Variants in CDH13 observed in about 807,000 individuals in gnomAD.
The protein encoded by CDH13 is cadherin-13.
In CDH13, 24 loss-of-function variants were observed where a neutral mutation model predicts 63.8. The observed-to-expected ratio is 0.38, with a 90% confidence interval of 0.27 to 0.53. The LOEUF (loss-of-function observed/expected upper bound fraction) is 0.53. Ranked by LOEUF, CDH13 falls within the 20% of genes least tolerant of loss-of-function variation. The probability of loss-of-function intolerance (pLI) is 0.85; values close to 1 mark genes in which losing one functional copy is unlikely to be tolerated. For missense variants in CDH13, 1,049 were observed against 903.1 expected, an observed-to-expected ratio of 1.16 and a Z score of -2.07; for synonymous variants, 503 against 355.3, an observed-to-expected ratio of 1.42 and a Z score of -4.67.
At chr16:82,662,839 G>T (rs967746489) in intron 1 of CDH13, among the ~76,000 whole-genome samples, 4 of 152,144 alleles carry the variant, frequency 2.6e-5, no homozygotes, top group Non-Finnish European at 5.9e-5. Context: ...ATGTCCTCCA[G>T]GCCAGTGTGA....
chr16:83,199,911 A>T (rs1187488710), intron 4 of CDH13, among the ~76,000 whole-genome samples: 1 of 152,070 alleles, frequency 6.6e-6, no homozygotes, highest in African/African-American at 2.4e-5. Context: ...CCCAGAAATC[A>T]TTTTCTAAAC....
chr16:82,847,363 G>T (rs1358918852), intron 1 of CDH13, among the ~76,000 whole-genome samples: 1 of 152,126 alleles, frequency 6.6e-6, no homozygotes, highest in Non-Finnish European at 1.5e-5. Context: ...GAGTCTCATG[G>T]GGAGAATTCC....
At chr16:83,503,154 A>G (rs985610585) in intron 7 of CDH13, among the ~76,000 whole-genome samples, 5 of 152,228 alleles carry the variant, frequency 3.3e-5, no homozygotes, top group South Asian at 2.1e-4. Flanking sequence ...CAAGGGGTAT[A>G]AAGTGAGGCC....
At chr16:83,563,155 C>T (rs4319757) in intron 7 of CDH13, among the ~76,000 whole-genome samples, 152,223 of 152,374 alleles carry the variant, frequency 1, 76,036 homozygotes, top group Non-Finnish European at 1. Context: ...AGCCCATGGA[C>T]TTGCAAAGAG....
intron 3 of CDH13, among the ~76,000 whole-genome samples, chr16:83,036,607 A>G (rs966165860): frequency 2.6e-5 from 4 of 151,860 alleles, no homozygotes; most frequent in Non-Finnish European, 5.9e-5. Context: ...TGCCCTTCCC[A>G]CTTTCCCTCT....
chr16:83,519,644 A>C (rs1283568430), intron 7 of CDH13, among the ~76,000 whole-genome samples: 1 of 152,196 alleles, frequency 6.6e-6, no homozygotes, highest in African/African-American at 2.4e-5. Flanking sequence ...AAAATGTCCA[A>C]AATTAGCTGT....
intron 6 of CDH13, among the ~76,000 whole-genome samples, chr16:83,485,652 A>C (rs1345561999): frequency 6.6e-6 from 1 of 152,094 alleles, no homozygotes; most frequent in Non-Finnish European, 1.5e-5. Flanking sequence ...ACCTTTGTGC[A>C]AACCCCAGAC....
chr16:83,206,621 G>C lies in CDH13; in HGVS notation c.484-10724G>C, dbSNP rs574748320. Among the ~76,000 whole-genome samples, 7 of 152,346 alleles carry C rather than the reference G, an allele frequency of 4.6e-5. No individual in the cohort carries two copies. The South Asian group carries it at 1.2e-3, about 27-fold the overall frequency. ...CCAGAAACTGGGTTTGGCTCTGTGGGATACCAGCGAATACAATCAGACGTG... is the reference window on the plus strand; with the variant it reads ...CCAGAAACTGGGTTTGGCTCTGTGGCATACCAGCGAATACAATCAGACGTG... On this transcript the variant is annotated intron_variant, in intron 4 of 13. Coordinates refer to ENST00000567109, the MANE Select transcript of CDH13 (RefSeq NM_001257.5).
intron 11 of CDH13, among the ~76,000 whole-genome samples, chr16:83,771,319 C>G (rs1467726654): frequency 1.3e-5 from 2 of 152,206 alleles, no homozygotes; most frequent in Non-Finnish European, 2.9e-5. Context: ...TTGGCCATCT[C>G]ATAGGCAGTT....
intron 1 of CDH13, among the ~76,000 whole-genome samples, chr16:82,829,834 C>T (rs1044533752): frequency 6.6e-6 from 1 of 152,164 alleles, no homozygotes; most frequent in Non-Finnish European, 1.5e-5. Flanking sequence ...TAATCTGATT[C>T]TTAAAGATTT....
At chr16:82,884,570 G>C (rs1459926168) in intron 2 of CDH13, 1 of 185,496 alleles carries the variant, frequency 5.4e-6, no homozygotes, top group Non-Finnish European at 1.1e-5. Flanking sequence ...TCCCCTGTAG[G>C]TGTTTGACTC....
At chr16:83,691,684 C>G (rs978202008) in intron 10 of CDH13, among the ~76,000 whole-genome samples, 3 of 152,098 alleles carry the variant, frequency 2.0e-5, no homozygotes, top group Non-Finnish European at 4.4e-5. Flanking sequence ...TATCCTGAGT[C>G]TATGCAGGCC....
rs1555530161 is a variant in CDH13 at position 83,323,174 on chromosome 16, TTTTC to T, written c.637-21623_637-21620del. Among the ~76,000 whole-genome samples the T allele has an allele frequency of 2.4e-3, 199 of 82,256 alleles. 2 individuals carry two copies. The highest frequency in any genetic ancestry group is 8.7e-3 in the African/African-American group (183 of 21,026). 54.0% of individuals were successfully genotyped at this position (82,256 alleles called of 152,430 possible). A position where few individuals can be genotyped will look rare whatever the true frequency, so the allele number is the denominator to read the frequency against. On this transcript the variant is annotated intron_variant, in intron 5 of 13. Coordinates refer to ENST00000567109, the MANE Select transcript of CDH13 (RefSeq NM_001257.5). Reference sequence around the variant, plus strand: ...ACTTCTTTCTTTCTTTCTCTTTCTTTTTTCTTTCTTTCTTTCTTTCTTTCTTTCT... The same window carrying T: ...ACTTCTTTCTTTCTTTCTCTTTCTTTTTTCTTTCTTTCTTTCTTTCTTTCT...
intron 1 of CDH13, among the ~76,000 whole-genome samples, chr16:82,648,279 T>C (rs3844414): frequency 0.19 from 28,825 of 152,184 alleles, 3,336 homozygotes; most frequent in African/African-American, 0.32. Flanking sequence ...CAGGAAAATA[T>C]GTACAAAATA....
At chr16:83,197,449 G>T (rs1359929184) in intron 4 of CDH13, among the ~76,000 whole-genome samples, 3 of 151,940 alleles carry the variant, frequency 2.0e-5, no homozygotes, top group Admixed American at 2.0e-4. Context: ...ATTGACTATG[G>T]TCACCTGTTC....
At chr16:82,654,721 G>C (rs1467974416) in intron 1 of CDH13, among the ~76,000 whole-genome samples, 2 of 144,090 alleles carry the variant, frequency 1.4e-5, no homozygotes, top group East Asian at 4.0e-4. Flanking sequence ...AGGAACCATG[G>C]ATTTAAATAA....
intron 1 of CDH13, chr16:82,824,447 G>A (rs1032230412): frequency 3.9e-5 from 6 of 152,158 alleles, no homozygotes; most frequent in Non-Finnish European, 8.8e-5. Context: ...TAATGAATTT[G>A]CAGTTCTTAC....
chr16:83,232,761 C>T (rs1013868496), intron 5 of CDH13, among the ~76,000 whole-genome samples: 3 of 137,738 alleles, frequency 2.2e-5, no homozygotes, highest in African/African-American at 8.4e-5. Context: ...ATAAATGACC[C>T]ACTCTCGGGT....
intron 7 of CDH13, among the ~76,000 whole-genome samples, chr16:83,500,141 GGT>G: frequency 6.6e-6 from 1 of 151,256 alleles, no homozygotes; most frequent in Non-Finnish European, 1.5e-5. Flanking sequence ...TTGTATCAGT[GGT>G]CGTAAGGCAA....
Sources: gnomAD v4.1 joint callset for allele counts (sites outside exome capture counted in the v4.1 genomes callset) on GRCh38, gnomAD v4.1.1 for gene constraint, MANE v1.5 for transcripts, NCBI Gene and HGNC (gene_info 2026-07-23, HGNC 2026-07-21) for gene names.